The following RFNG variants were observed in gnomAD, a reference collection of about 807,000 sequenced individuals.
The protein encoded by RFNG is beta-1,3-N-acetylglucosaminyltransferase radical fringe.
A neutral mutation model predicts 29.6 loss-of-function variants in RFNG; 37 were observed. That is an observed-to-expected ratio of 1.25 (90% CI 0.96 to 1.65). RFNG has a LOEUF of 1.65. RFNG is among the 40% of genes most tolerant of loss of function. The pLI is 0.00. For missense variants in RFNG, 546 were observed against 457.0 expected, an observed-to-expected ratio of 1.19 and a Z score of -1.78; for synonymous variants, 276 against 197.3, an observed-to-expected ratio of 1.40 and a Z score of -3.34.
At chr17:82,049,563 T>C in intron 6 of RFNG, 114 bp downstream of exon 6, 2 of 1,291,694 alleles carry the variant, frequency 1.5e-6, no homozygotes, top group Non-Finnish European at 2.2e-6. Context: ...CCCAGCCACA[T>C]GCAAATCCCA....
rs1316161607 is a variant in RFNG at position 82,050,696 on chromosome 17, C to G, written c.385G>C (p.Val129Leu). ...GACTCAATGAACTTGTCATACTCCA[C>G]GGACATCTTGCAGCAGAGGGCCTGA... ...TRQALCCKMS[V>L]EYDKFIESGR... Residue 129 changes from valine to leucine, a missense_variant, in exon 3 of 8, where the codon GTG becomes CTG. Val to Leu is a conservative substitution (Grantham distance 32). Coordinates refer to ENST00000310496, the MANE Select transcript of RFNG (RefSeq NM_002917.2). 1.2e-6 allele frequency: 2 copies of G among 1,613,156 alleles called. No homozygotes were observed. The highest frequency in any genetic ancestry group is 1.7e-5 in the Admixed American group (1 of 60,008).
Position 82,050,102 on chromosome 17 carries a change from T to G in RFNG, c.574-96A>C, listed in dbSNP as rs2030235296. 1.2e-5 allele frequency: 13 copies of G among 1,086,766 alleles called. No homozygotes were observed. In the South Asian group the frequency reaches 1.7e-4, roughly 14 times the overall value. The allele number at this position is 1,086,766 out of a possible 1,614,324, so 67.3% of individuals were successfully genotyped here. ...CAGGCATCTTTCTTAAGCTGCCCCT[T>G]AGGAGATCCCACCCAGGTAACAGAA... On this transcript the variant is annotated intron_variant, in intron 4 of 7. Transcript: ENST00000310496.
chr17:82,050,564 G>A lies in RFNG; in HGVS notation c.420-9C>T, dbSNP rs370706512. The A allele has an allele frequency of 2.3e-5, 37 of 1,610,070 alleles. No homozygotes were observed. In the African/African-American group the frequency reaches 2.4e-4, roughly 10 times the overall value. ...CCACGTGGCAAAACCACCTGTGGGC[G>A]AGGGGAGTCCTGGGCACGAGGGCCT... is the stretch of plus-strand genomic sequence containing the variant. On this transcript the variant is annotated splice_polypyrimidine_tract_variant and intron_variant, in intron 3 of 7. Transcript: ENST00000310496.
chr17:82,048,964 GGGTA>G (rs2030092117), intron 7 of RFNG, 63 bp downstream of exon 7: 20 of 1,541,980 alleles, frequency 1.3e-5, no homozygotes, highest in Admixed American at 8.4e-5. Flanking sequence ...TCAGGGCCGT[GGGTA>G]GAGGGAGCTG....
chr17:82,049,110 A>C lies in RFNG; in HGVS notation c.835T>G (p.Leu279Val). The C allele has an allele frequency of 6.2e-7, 1 of 1,613,188 alleles. No individual in the cohort carries two copies. The highest frequency in any genetic ancestry group is 8.5e-7 in the Non-Finnish European group (1 of 1,179,672). Reference sequence around the variant, plus strand: ...GGGTTCTCAGGACCCCCATGGCTCAAGGTAACCTGGGAGGGAAGGGTGTGG... The same window carrying C: ...GGGTTCTCAGGACCCCCATGGCTCACGGTAACCTGGGAGGGAAGGGTGTGG... ...PPDTLLQQVT[L>V]SHGGPENPHN... Residue 279 changes from leucine (L) to valine (V), a missense_variant, in exon 7 of 8, where the codon TTG becomes GTG. Transcript: ENST00000310496.
Position 82,051,340 on chromosome 17 carries a change from C to A in RFNG, c.270G>T (p.Thr90=). 1 of 1,463,738 alleles carries A rather than the reference C, an allele frequency of 6.8e-7. No individual in the cohort carries two copies. Among genetic ancestry groups the A allele is most frequent in the Non-Finnish European group, 9.0e-7 (1 of 1,116,436 alleles). The allele number at this position is 1,463,738 out of a possible 1,614,324, so 90.7% of individuals were successfully genotyped here. Residue 90 remains threonine, a splice_region_variant and synonymous_variant, in exon 2 of 8, where the codon ACG becomes ACT. Coordinates refer to ENST00000310496, the MANE Select transcript of RFNG (RefSeq NM_002917.2). This position sits in a 1 kb window ranked among gnomAD's most constrained non-coding sequence, Gnocchi z 4.1. ...RTWISRARQQ[T]FIFTDGDDPE... ...GGTCGTCCCCGTCGGTGAAGATAAA[C>A]GTCTGGGGGAGAAACAATCTATGAG...
At position 82,049,776 on chromosome 17, in the gene RFNG, G is replaced by C; in HGVS notation, c.729C>G (p.Ile243Met). The stretch of plus-strand genomic sequence containing the variant: ...GGCGGGCGCCCAGGAGCCCCTCCAC[G>C]ATGTAGCCAACTGTGCAGTCATCCG... ...RLPDDCTVGY[I>M]VEGLLGARLL... is the part of the protein sequence containing the mutation. Residue 243 changes from isoleucine (I) to methionine (M), a missense_variant, in exon 6 of 8, where the codon ATC (isoleucine) becomes ATG (methionine). Coordinates refer to ENST00000310496, the MANE Select transcript of RFNG (RefSeq NM_002917.2). The C allele has an allele frequency of 6.5e-7, 1 of 1,528,946 alleles. No homozygotes were observed. Among genetic ancestry groups the C allele is most frequent in the Non-Finnish European group, 8.8e-7 (1 of 1,141,516 alleles). 94.7% of individuals were successfully genotyped at this position (1,528,946 alleles called of 1,614,324 possible).
In RFNG at chr17:82,051,564, CG is replaced by C; in HGVS notation, c.202del (p.Arg68GlyfsTer84). The C allele has an allele frequency of 2.2e-6, 3 of 1,376,622 alleles. No individual in the cohort carries two copies. Among genetic ancestry groups the C allele is most frequent in the Admixed American group, 3.0e-5 (1 of 33,002 alleles). 85.3% of individuals were successfully genotyped at this position (1,376,622 alleles called of 1,614,324 possible). ...DDVFIAVKTT[R>X]KNHGPRLRLL... The stretch of plus-strand genomic sequence containing the variant: ...CCGCAGGCGCGGCCCGTGGTTCTTC[CG>C]GGTGGTCTTGACGGCGATGAAGACG... On this transcript the variant is annotated frameshift_variant, in exon 1 of 8. Transcript: ENST00000310496. LOFTEE classifies it high-confidence loss of function. This position sits in a 1 kb window ranked among gnomAD's most constrained non-coding sequence, Gnocchi z 4.1.
intron 7 of RFNG, 50 bp from the exon 8 acceptor site, chr17:82,048,857 G>A (rs1368070287): frequency 1.3e-6 from 2 of 1,555,192 alleles, no homozygotes; most frequent in Admixed American, 3.3e-5. Context: ...GAGAGAAGCG[G>A]GGGCCAGGGC....
chr17:82,049,173 T>G (rs777935314), intron 6 of RFNG, 57 bp from the exon 7 acceptor site: 4 of 1,451,468 alleles, frequency 2.8e-6, no homozygotes, highest in Non-Finnish European at 9.5e-7. Flanking sequence ...GGGCCACGCC[T>G]GCCCCTGGCC....
chr17:82,050,192 C>T, intron 4 of RFNG, 186 bp from the exon 5 acceptor site: 7 of 768,926 alleles, frequency 9.1e-6, no homozygotes, highest in Non-Finnish European at 2.1e-6. Context: ...CCAGACCCTC[C>T]CCACCTGGCC....
chr17:82,050,548 A>G lies in RFNG; in HGVS notation c.427T>C (p.Cys143Arg). 4.3e-6 allele frequency: 7 copies of G among 1,611,362 alleles called. No homozygotes were observed. The highest frequency in any genetic ancestry group is 5.1e-6 in the Non-Finnish European group (6 of 1,178,702). ...ACATAATTGTCATCATCCACGTGGCAAAACCACCTGTGGGCGAGGGGAGTC... is the reference window on the plus strand; with the variant it reads ...ACATAATTGTCATCATCCACGTGGCGAAACCACCTGTGGGCGAGGGGAGTC... Reference protein sequence around the residue: ...KFIESGRKWFCHVDDDNYVNA... With the variant: ...KFIESGRKWFRHVDDDNYVNA... Residue 143 changes from cysteine to arginine, a missense_variant, in exon 4 of 8, where the codon TGC (cysteine) becomes CGC (arginine). Coordinates refer to ENST00000310496, the MANE Select transcript of RFNG (RefSeq NM_002917.2).
rs1022563408 is a variant in RFNG, at chr17:82,049,854, C to T, written c.663-12G>A. The stretch of plus-strand genomic sequence containing the variant: ...TGAAGCTGCCCAGGCTGGGGGGAGG[C>T]CGGTCAGCACCTTTCAGGTCTCAGC... On this transcript the variant is annotated splice_polypyrimidine_tract_variant and intron_variant, in intron 5 of 7. Coordinates refer to ENST00000310496, the MANE Select transcript of RFNG (RefSeq NM_002917.2). 6.2e-7 allele frequency: 1 copy of T among 1,605,434 alleles called. No individual in the cohort carries two copies. The highest frequency in any genetic ancestry group is 8.5e-7 in the Non-Finnish European group (1 of 1,176,166).
chr17:82,049,277 A>G, intron 6 of RFNG, 161 bp from the exon 7 acceptor site: 1 of 716,608 alleles, frequency 1.4e-6, no homozygotes, highest in African/African-American at 1.7e-5. Flanking sequence ...GCATGAGCTG[A>G]GTAGGGGGAC....
intron 4 of RFNG, 173 bp from the exon 5 acceptor site, chr17:82,050,179 C>T (rs2030256789): frequency 6.6e-6 from 5 of 761,570 alleles, no homozygotes; most frequent in Middle Eastern, 2.4e-4. Flanking sequence ...TGACCCGTAG[C>T]CTCCAGACCC....
At position 82,051,516 on chromosome 17, in the gene RFNG, G is replaced by A. The variant is rs1469464173; in HGVS notation, c.251C>T (p.Ser84Phe). 2 of 1,394,900 alleles carry A rather than the reference G, an allele frequency of 1.4e-6. No homozygotes were observed. The highest frequency in any genetic ancestry group is 3.0e-5 in the African/African-American group (2 of 65,684). 86.4% of individuals were successfully genotyped at this position (1,394,900 alleles called of 1,614,324 possible). ...CCGGCGCACCTGCTGGCGGGCCCGG[G>A]AGATCCAGGTGCGCAGCAGCAGCCG... is the stretch of plus-strand genomic sequence containing the variant. The part of the protein sequence containing the change: ...RLRLLLRTWI[S>F]RARQQTFIFT... Residue 84 changes from serine (S) to phenylalanine (F), a missense_variant, in exon 1 of 8, where the codon TCC becomes TTC. By Grantham distance (155) the Ser-to-Phe change is radical. Coordinates refer to ENST00000310496, the MANE Select transcript of RFNG (RefSeq NM_002917.2). The surrounding 1 kb of genome is among the most constrained non-coding windows in gnomAD (Gnocchi z 4.1).
In RFNG at chr17:82,051,451, C is replaced by G; in HGVS notation, c.267+49G>C. On this transcript the variant is annotated intron_variant, in intron 1 of 7. Coordinates refer to ENST00000310496, the MANE Select transcript of RFNG (RefSeq NM_002917.2). This position sits in a 1 kb window ranked among gnomAD's most constrained non-coding sequence, Gnocchi z 4.1. ...TGGGCCGGGCCTAGACCCTGGGAGGCGGGGCGGGTGGGCGTGGGGCTCGCC... is the reference window on the plus strand; with the variant it reads ...TGGGCCGGGCCTAGACCCTGGGAGGGGGGGCGGGTGGGCGTGGGGCTCGCC... 4 of 1,331,690 alleles carry G rather than the reference C, an allele frequency of 3.0e-6. No homozygotes were observed. The South Asian group carries it at 8.5e-5, about 28-fold the overall frequency. 82.5% of individuals were successfully genotyped at this position (1,331,690 alleles called of 1,614,324 possible). A position where few individuals can be genotyped will look rare whatever the true frequency, so the allele number is the denominator to read the frequency against.
chr17:82,049,268 C>T (rs991245498), intron 6 of RFNG, 152 bp from the exon 7 acceptor site: 4 of 725,134 alleles, frequency 5.5e-6, no homozygotes, highest in Non-Finnish European at 1.0e-5. Flanking sequence ...TGAAGCATGG[C>T]ATGAGCTGAG....
At chr17:82,049,174 G>A (rs115013594) in intron 6 of RFNG, 58 bp from the exon 7 acceptor site, 4 of 1,447,246 alleles carry the variant, frequency 2.8e-6, no homozygotes, top group Non-Finnish European at 1.9e-6. Flanking sequence ...GGCCACGCCT[G>A]CCCCTGGCCA....
Sources: allele counts gnomAD v4.1 joint callset, GRCh38; gene constraint gnomAD v4.1.1; non-coding constraint Gnocchi (gnomAD v3.1); transcripts MANE v1.5; gene names NCBI Gene and HGNC (gene_info 2026-07-23, HGNC 2026-07-21).